EXOC4: variants seen among roughly 807,000 people sequenced by gnomAD.
EXOC4 encodes the protein SEC8-like 1.
In EXOC4, 71 loss-of-function variants were observed where a neutral mutation model predicts 107.2. That is an observed-to-expected ratio of 0.66 (90% CI 0.55 to 0.81). The LOEUF (loss-of-function observed/expected upper bound fraction) is 0.81, where lower values mean the gene tolerates loss of function less well. EXOC4 is among the 30% of genes least tolerant of loss of function. EXOC4 has a pLI of 0.00. For missense variants in EXOC4, 1,108 were observed against 1,189.6 expected (o/e 0.93, Z 1.01); for synonymous variants, 456 against 441.2 (o/e 1.03, Z -0.42).
intron 10 of EXOC4, among the ~76,000 whole-genome samples, chr7:133,807,275 A>G (rs1471747525): frequency 6.6e-6 from 1 of 152,224 alleles, no homozygotes; most frequent in East Asian, 1.9e-4. Flanking sequence ...AAATGGAGAT[A>G]GTAAAAGCAC....
intron 9 of EXOC4, among the ~76,000 whole-genome samples, chr7:133,603,954 A>G (rs1259757634): frequency 6.6e-6 from 1 of 152,178 alleles, no homozygotes; most frequent in African/African-American, 2.4e-5. Flanking sequence ...ACAGCTGTAC[A>G]AAAATATTTT....
chr7:134,051,039 A>G (rs905189743), intron 17 of EXOC4, among the ~76,000 whole-genome samples: 3 of 152,178 alleles, frequency 2.0e-5, no homozygotes, highest in Non-Finnish European at 2.9e-5. Context: ...GACCAAAAAA[A>G]TGAAGGAGAG....
chr7:133,338,316 G>A lies in EXOC4; in HGVS notation c.764-18014G>A, dbSNP rs564270490. 2.5e-4 allele frequency among the ~76,000 whole-genome samples: 38 copies of A among 151,330 alleles called. 1 individual carries two copies. The highest frequency in any genetic ancestry group is 9.2e-4 in the Admixed American group (14 of 15,222). ...TTTTTAAAAATTTTTTATTTCAGCC[G>A]GGCGCGGTGGCTCACGCCTGTAATC... On this transcript the variant is annotated intron_variant, in intron 5 of 17. Transcript: ENST00000253861.
At chr7:133,710,456 C>A (rs1026251152) in intron 10 of EXOC4, among the ~76,000 whole-genome samples, 1 of 151,638 alleles carries the variant, frequency 6.6e-6, no homozygotes, top group Non-Finnish European at 1.5e-5. Flanking sequence ...GTCAGGAGAT[C>A]GAGACCATCC....
At chr7:133,992,068 AATT>A (rs2116247460) in intron 14 of EXOC4, among the ~76,000 whole-genome samples, 2 of 152,212 alleles carry the variant, frequency 1.3e-5, no homozygotes, top group Middle Eastern at 3.4e-3. Context: ...CAATAATATT[AATT>A]ATTATTTCAA....
At chr7:134,021,228 G>A (rs1168441420) in intron 17 of EXOC4, among the ~76,000 whole-genome samples, 3 of 152,126 alleles carry the variant, frequency 2.0e-5, no homozygotes, top group Admixed American at 6.5e-5. Flanking sequence ...TATATAACAG[G>A]CATTTTAATA....
intron 10 of EXOC4, among the ~76,000 whole-genome samples, chr7:133,658,216 G>A (rs1245857901): frequency 1.3e-5 from 2 of 152,140 alleles, no homozygotes; most frequent in African/African-American, 4.8e-5. Context: ...CATCCGTGAG[G>A]ACTGTTTGAG....
the EXOC4 span, among the ~76,000 whole-genome samples, chr7:134,095,842 A>G: frequency 1.6e-4 from 24 of 152,308 alleles, no homozygotes; most frequent in Non-Finnish European, 3.1e-4. Context: ...AAGTAAATGT[A>G]AGACCCCAAA....
At chr7:133,484,000 G>A (rs768477033) in intron 9 of EXOC4, 18 of 1,612,530 alleles carry the variant, frequency 1.1e-5, no homozygotes, top group Non-Finnish European at 1.5e-5. Context: ...TTGCTTCCCA[G>A]TAATTTCGGT....
At chr7:133,919,096 A>T (rs1189906081) in intron 13 of EXOC4, among the ~76,000 whole-genome samples, 1 of 152,188 alleles carries the variant, frequency 6.6e-6, no homozygotes, top group Non-Finnish European at 1.5e-5. Flanking sequence ...TTGAAAGTGC[A>T]TGTGTAATTT....
At chr7:133,340,712 T>C (rs981388833) in intron 5 of EXOC4, among the ~76,000 whole-genome samples, 1 of 152,070 alleles carries the variant, frequency 6.6e-6, no homozygotes, top group Non-Finnish European at 1.5e-5. Flanking sequence ...CTGCTTGTTA[T>C]TGGTTTGTTG....
chr7:133,637,205 A>G (rs1042859002), intron 10 of EXOC4, among the ~76,000 whole-genome samples: 6 of 152,232 alleles, frequency 3.9e-5, no homozygotes, highest in African/African-American at 1.4e-4. Context: ...AGTAAAAGAC[A>G]ATTGTGATTA....
chr7:133,755,082 A>G (rs1391257256), intron 10 of EXOC4, among the ~76,000 whole-genome samples: 1 of 151,166 alleles, frequency 6.6e-6, no homozygotes, highest in Non-Finnish European at 1.5e-5. Context: ...GCTGAGAAAC[A>G]GGCTAAAGAC....
At chr7:133,529,430 C>T (rs934182545) in intron 9 of EXOC4, among the ~76,000 whole-genome samples, 6 of 152,016 alleles carry the variant, frequency 3.9e-5, no homozygotes, top group Non-Finnish European at 7.4e-5. Flanking sequence ...ACTTATCAGG[C>T]GAGGGAACTT....
At chr7:133,537,949 A>C (rs1410206637) in intron 9 of EXOC4, among the ~76,000 whole-genome samples, 4 of 152,164 alleles carry the variant, frequency 2.6e-5, no homozygotes, top group Admixed American at 2.6e-4. Flanking sequence ...TTTATAAATA[A>C]ATGTTTCCTT....
At chr7:133,778,260 ATTAAC>A (rs370548716) in intron 10 of EXOC4, among the ~76,000 whole-genome samples, 6 of 152,302 alleles carry the variant, frequency 3.9e-5, no homozygotes, top group African/African-American at 1.4e-4. Context: ...TGAATCCCTT[ATTAAC>A]TTTGAACAGG....
At chr7:134,004,398 TAGAG>T (rs1238052938) in intron 15 of EXOC4, among the ~76,000 whole-genome samples, 3 of 152,250 alleles carry the variant, frequency 2.0e-5, no homozygotes, top group African/African-American at 7.2e-5. Flanking sequence ...AACTGAGGGA[TAGAG>T]AGATAAAGTA....
At position 133,374,810 on chromosome 7, in the gene EXOC4, A is replaced by G. The variant is rs748766690; in HGVS notation, c.1008-18A>G. The G allele has an allele frequency of 6.2e-7, 1 of 1,601,720 alleles. No homozygotes were observed. Among genetic ancestry groups the G allele is most frequent in the South Asian group, 1.1e-5 (1 of 90,190 alleles). On this transcript the variant is annotated intron_variant, in intron 6 of 17. Transcript: ENST00000253861. ...GTGTACGTATGTGTAAATGTTATTT[A>G]TTTGTTTATGCCACTAGGTTGCTTC...
chr7:133,761,450 A>G (rs1044787994), intron 10 of EXOC4, among the ~76,000 whole-genome samples: 2 of 152,176 alleles, frequency 1.3e-5, no homozygotes, highest in African/African-American at 2.4e-5. Context: ...AAAAGAGTCA[A>G]TCTATAGTAT....
Sources: allele counts gnomAD v4.1 joint callset (sites outside exome capture counted in the v4.1 genomes callset), GRCh38; gene constraint gnomAD v4.1.1; transcripts MANE v1.5; gene names NCBI Gene and HGNC (gene_info 2026-07-23, HGNC 2026-07-21).